Variants in LY6K observed in about 807,000 individuals in gnomAD.
LY6K encodes the protein lymphocyte antigen 6K.
In LY6K, 9 loss-of-function variants were observed where a neutral mutation model predicts 10.4. That is an observed-to-expected ratio of 0.87 (90% CI 0.52 to 1.52). LY6K has a LOEUF of 1.52. Among genes scored for constraint, LY6K ranks in the 40% most tolerant of loss-of-function variants. LY6K has a pLI of 0.00. For synonymous variants in LY6K, 98 were observed against 83.7 expected, an observed-to-expected ratio of 1.17 and a Z score of -0.94; for missense variants, 217 against 211.7, an observed-to-expected ratio of 1.02 and a Z score of -0.15.
At position 142,703,771 on chromosome 8, in the gene LY6K, T is replaced by A. The variant is rs1327982182; in HGVS notation, c.*400T>A. 5.3e-6 allele frequency: 1 copy of A among 190,054 alleles called. No individual in the cohort carries two copies. The allele number at this position is 190,054 out of a possible 1,614,324, so 11.8% of individuals were successfully genotyped here. ...GACCTTTCAGGTGACGCAGGAACAC[T>A]GGGGGAGTCTGAATGATTGGGGTGA... On this transcript the variant is annotated 3_prime_UTR_variant, in exon 3 of 3. Coordinates refer to ENST00000292430, the MANE Select transcript of LY6K (RefSeq NM_017527.4).
At chr8:142,702,890 C>T (rs1232529100) in intron 2 of LY6K, 2 of 1,549,136 alleles carry the variant, frequency 1.3e-6, no homozygotes, top group Non-Finnish European at 1.7e-6. Context: ...GGCCATACCA[C>T]GCAGAAGCCA....
intron 2 of LY6K, chr8:142,702,694 C>T: frequency 5.3e-6 from 8 of 1,509,544 alleles, no homozygotes; most frequent in Non-Finnish European, 6.2e-6. Flanking sequence ...ACAAGACCCC[C>T]AGCTCAGAGT....
chr8:142,701,823 T>C (rs79024390), intron 2 of LY6K, 110 bp downstream of exon 2: 2 of 46,654 alleles, frequency 4.3e-5, no homozygotes, highest in South Asian at 7.7e-4. Context: ...GAAAGTAGCC[T>C]TTTTTTTTTT....
chr8:142,703,248 G>T lies in LY6K; in HGVS notation c.375G>T (p.Gly125=), dbSNP rs1418247167. Residue 125 remains glycine (G), a synonymous_variant, in exon 3 of 3, where the codon GGG becomes GGT. Coordinates refer to ENST00000292430, the MANE Select transcript of LY6K (RefSeq NM_017527.4). The part of the protein sequence containing the change: ...CCKIRYCNLE[G]PPINSSVFKE... ...AAATTCGCTACTGCAATTTAGAGGG[G>T]CCACCTATCAACTCATCAGTGTTCA... 1 of 1,614,000 alleles carries T rather than the reference G, an allele frequency of 6.2e-7. No individual in the cohort carries two copies. The highest frequency in any genetic ancestry group is 2.2e-5 in the East Asian group (1 of 44,900).
chr8:142,702,314 A>T, intron 2 of LY6K: 1 of 596,818 alleles, frequency 1.7e-6, no homozygotes, highest in South Asian at 2.1e-5. Flanking sequence ...AACAGTGTCT[A>T]TGTCACTCTT....
intron 1 of LY6K, among the ~76,000 whole-genome samples, 167 bp downstream of exon 1, chr8:142,700,797 C>T (rs966665611): frequency 6.6e-6 from 1 of 152,064 alleles, no homozygotes; most frequent in Non-Finnish European, 1.5e-5. Flanking sequence ...CGGCTTCCAC[C>T]AGGGCGGCGG....
chr8:142,700,536 G>A lies in LY6K; in HGVS notation c.9G>A (p.Leu3=). MA[L]LALLLVVALP... ...GGGCACCGCTGGGGACGATGGCGCT[G>A]CTCGCCTTGCTGCTGGTCGTGGCCC... is the stretch of plus-strand genomic sequence containing the variant. The change falls in exon 1 of 3, where the codon CTG becomes CTA. Residue 3 remains leucine (L), a synonymous_variant. Transcript: ENST00000292430. The A allele has an allele frequency of 2.5e-6, 4 of 1,580,978 alleles. No homozygotes were observed. Among genetic ancestry groups the A allele is most frequent in the Non-Finnish European group, 3.4e-6 (4 of 1,165,894 alleles).
intron 1 of LY6K, 101 bp downstream of exon 1, chr8:142,700,731 C>G: frequency 1.6e-6 from 2 of 1,237,108 alleles, no homozygotes; most frequent in South Asian, 4.3e-5. Context: ...GCCGTGAGAA[C>G]GGAGCGTTCA....
In LY6K at chr8:142,703,418, C is replaced by T. The variant is rs1212146069; in HGVS notation, c.*47C>T. On this transcript the variant is annotated 3_prime_UTR_variant, in exon 3 of 3. Coordinates refer to ENST00000292430, the MANE Select transcript of LY6K (RefSeq NM_017527.4). ...GAGCCTTCCGGAGCATGGACTCGCTCCAGACCGTTGTCACCTGTTGCATTA... is the reference window on the plus strand; with the variant it reads ...GAGCCTTCCGGAGCATGGACTCGCTTCAGACCGTTGTCACCTGTTGCATTA... 4 of 1,567,560 alleles carry T rather than the reference C, an allele frequency of 2.6e-6. No homozygotes were observed. Among genetic ancestry groups the T allele is most frequent in the Middle Eastern group, 2.3e-4 (1 of 4,260 alleles).
At chr8:142,702,825 C>A (rs1164361658) in intron 2 of LY6K, 1 of 1,506,596 alleles carries the variant, frequency 6.6e-7, no homozygotes, top group Non-Finnish European at 8.9e-7. Context: ...GAAGTTGAGA[C>A]CTGTTTGTTC....
At position 142,703,228 on chromosome 8, in the gene LY6K, C is replaced by T. The variant is rs1172467075; in HGVS notation, c.355C>T (p.Arg119Cys). Reference sequence around the variant, plus strand: ...CTTTTACCTCAAGTGTTGTAAAATTCGCTACTGCAATTTAGAGGGGCCACC... The same window carrying T: ...CTTTTACCTCAAGTGTTGTAAAATTTGCTACTGCAATTTAGAGGGGCCACC... ...PFFYLKCCKI[R>C]YCNLEGPPIN... is the part of the protein sequence containing the mutation. The change falls in exon 3 of 3, where the codon CGC becomes TGC. Residue 119 changes from arginine to cysteine, a missense_variant. Transcript: ENST00000292430. 6 of 1,614,044 alleles carry T rather than the reference C, an allele frequency of 3.7e-6. No homozygotes were observed. The highest frequency in any genetic ancestry group is 2.7e-5 in the African/African-American group (2 of 74,916).
chr8:142,702,943 G>C lies in LY6K; in HGVS notation c.218-148G>C. 8 of 1,551,090 alleles carry C rather than the reference G, an allele frequency of 5.2e-6. No homozygotes were observed. The South Asian group carries it at 9.6e-5, about 19-fold the overall frequency. On this transcript the variant is annotated intron_variant, in intron 2 of 2. Coordinates refer to ENST00000292430, the MANE Select transcript of LY6K (RefSeq NM_017527.4). ...CATTCAACACACAGGCCTGGCCCTC[G>C]TCCTCCCGACTCCCCCTTGGTGCCC...
chr8:142,705,012 A>T lies in LY6K; in HGVS notation c.*1641A>T, dbSNP rs1461637980. 6.6e-6 allele frequency: 1 copy of T among 152,204 alleles called. No individual in the cohort carries two copies. The highest frequency in any genetic ancestry group is 1.5e-5 in the Non-Finnish European group (1 of 68,040). The allele number at this position is 152,204 out of a possible 1,614,324, so 9.4% of individuals were successfully genotyped here. ...TGCTATTAATCAGTCCTCTTAAATTAGGGCACAAACAAGATGAATTGTTTC... is the reference window on the plus strand; with the variant it reads ...TGCTATTAATCAGTCCTCTTAAATTTGGGCACAAACAAGATGAATTGTTTC... On this transcript the variant is annotated 3_prime_UTR_variant, in exon 3 of 3. Transcript: ENST00000292430.
intron 2 of LY6K, 121 bp from the exon 3 acceptor site, chr8:142,702,970 A>T: frequency 6.4e-7 from 1 of 1,556,294 alleles, no homozygotes; most frequent in South Asian, 1.2e-5. Flanking sequence ...TTGGTGCCCC[A>T]GTTGACTGTG....
rs201222374 is a variant in LY6K, at chr8:142,703,102, C to T, written c.229C>T (p.Arg77Cys). The change falls in exon 3 of 3, where the codon CGT (arginine) becomes TGT (cysteine). Residue 77 changes from arginine (R) to cysteine (C), a missense_variant. By Grantham distance (180) the Arg-to-Cys change is radical (BLOSUM62 -3). Coordinates refer to ENST00000292430, the MANE Select transcript of LY6K (RefSeq NM_017527.4). ...TTATTTCCTATTAGAAATATTTCCA[C>T]GTTTTTTCATGGTTGCGAAGCAGTG... ...CVIAAVKIFP[R>C]FFMVAKQCSA... is the part of the protein sequence containing the mutation. 3.0e-4 allele frequency: 491 copies of T among 1,613,614 alleles called. No homozygotes were observed. Among genetic ancestry groups the T allele is most frequent in the Non-Finnish European group, 4.0e-4 (467 of 1,179,800 alleles).
At chr8:142,700,755 G>A in intron 1 of LY6K, 125 bp downstream of exon 1, 17 of 1,026,618 alleles carry the variant, frequency 1.7e-5, no homozygotes, top group South Asian at 2.5e-5. Flanking sequence ...GGCCCGTGGC[G>A]CCTGGAAGCC....
intron 2 of LY6K, chr8:142,701,981 T>C (rs1815055570): frequency 2.9e-6 from 1 of 350,858 alleles, no homozygotes; most frequent in South Asian, 3.4e-5. Flanking sequence ...GCTAATTTTT[T>C]ATTTTTAGTA....
intron 1 of LY6K, 120 bp from the exon 2 acceptor site, chr8:142,701,480 C>G: frequency 1.5e-6 from 1 of 684,032 alleles, no homozygotes; most frequent in South Asian, 1.7e-5. Flanking sequence ...GCCCCAGCCA[C>G]TGCTCAGGGG....
chr8:142,700,358 G>T lies in LY6K; in HGVS notation c.-170G>T. ...CAGCGGCCGCGAGGCCCTGAGATGA[G>T]GCTCCAAAGACCCCGACAGGCCCCG... On this transcript the variant is annotated 5_prime_UTR_variant, in exon 1 of 3. In the 5' UTR this introduces an upstream ATG that the reference lacks. Coordinates refer to ENST00000292430, the MANE Select transcript of LY6K (RefSeq NM_017527.4). The T allele has an allele frequency of 7.5e-7, 1 of 1,329,432 alleles. No homozygotes were observed. Among genetic ancestry groups the T allele is most frequent in the Non-Finnish European group, 9.6e-7 (1 of 1,042,994 alleles). The allele number at this position is 1,329,432 out of a possible 1,614,324, so 82.4% of individuals were successfully genotyped here.
Sources: allele counts gnomAD v4.1 joint callset (sites outside exome capture counted in the v4.1 genomes callset), GRCh38; gene constraint gnomAD v4.1.1; transcripts MANE v1.5; gene names NCBI Gene and HGNC (gene_info 2026-07-23, HGNC 2026-07-21).